Variants in SH3RF3 observed in about 807,000 individuals in gnomAD.
The protein encoded by SH3RF3 is E3 ubiquitin-protein ligase SH3RF3.
A neutral mutation model predicts 66.3 loss-of-function variants in SH3RF3; 29 were observed. That is an observed-to-expected ratio of 0.44 (90% CI 0.33 to 0.60). The LOEUF is 0.60. Among genes scored for constraint, SH3RF3 ranks in the 20% least tolerant of loss-of-function variants. The probability of loss-of-function intolerance (pLI) is 0.04; values close to 1 mark genes in which losing one functional copy is unlikely to be tolerated. For synonymous variants in SH3RF3, 583 were observed against 532.0 expected, an observed-to-expected ratio of 1.10 and a Z score of -1.32; for missense variants, 1,194 against 1,190.9, an observed-to-expected ratio of 1.00 and a Z score of -0.04.
chr2:109,334,880 G>C (rs1682373755), intron 1 of SH3RF3, among the ~76,000 whole-genome samples: 1 of 152,236 alleles, frequency 6.6e-6, no homozygotes, highest in Non-Finnish European at 1.5e-5. Flanking sequence ...GTGGAACCCA[G>C]TGTTTTTATT....
chr2:109,452,123 G>A (rs1214322103), intron 8 of SH3RF3, among the ~76,000 whole-genome samples: 1 of 152,180 alleles, frequency 6.6e-6, no homozygotes, highest in African/African-American at 2.4e-5. Flanking sequence ...TTGCAGCAGG[G>A]CCCAAGGCAT....
At chr2:109,187,387 G>A (rs1197832589) in intron 1 of SH3RF3, among the ~76,000 whole-genome samples, 1 of 150,052 alleles carries the variant, frequency 6.7e-6, no homozygotes, top group Non-Finnish European at 1.5e-5. Context: ...GTATTATTTA[G>A]AAAAAGCTAA....
intron 4 of SH3RF3, among the ~76,000 whole-genome samples, chr2:109,412,715 G>A (rs1452959871): frequency 6.6e-6 from 1 of 152,252 alleles, no homozygotes; most frequent in Non-Finnish European, 1.5e-5. Flanking sequence ...TCATACCACT[G>A]TGGAAATGTT....
chr2:109,419,528 T>C lies in SH3RF3; in HGVS notation c.1300-11T>C. ...GTCTCCTCACTCCTGTCCCCTCTTG[T>C]CTGTTTCCAGGATGTCTCCTCCTCG... On this transcript the variant is annotated splice_polypyrimidine_tract_variant and intron_variant, in intron 4 of 9. Transcript: ENST00000309415. 1 of 1,584,536 alleles carries C rather than the reference T, an allele frequency of 6.3e-7. No homozygotes were observed. Among genetic ancestry groups the C allele is most frequent in the Non-Finnish European group, 8.6e-7 (1 of 1,165,662 alleles).
intron 1 of SH3RF3, among the ~76,000 whole-genome samples, chr2:109,285,458 G>C (rs568300873): frequency 2.0e-5 from 3 of 152,202 alleles, no homozygotes; most frequent in Non-Finnish European, 4.4e-5. Context: ...TGTGCCGTGC[G>C]TTTTTGTTAG....
At chr2:109,488,686 A>C (rs1440381441) in intron 8 of SH3RF3, among the ~76,000 whole-genome samples, 1 of 152,220 alleles carries the variant, frequency 6.6e-6, no homozygotes. Context: ...TGTGCCGCCA[A>C]CAAGAGTTCT....
chr2:109,147,693 G>A (rs79774628), intron 1 of SH3RF3, among the ~76,000 whole-genome samples: 622 of 152,152 alleles, frequency 4.1e-3, no homozygotes, highest in Non-Finnish European at 6.7e-3. Flanking sequence ...TATAGTTTCC[G>A]GCTTCTGGGT....
At chr2:109,273,310 G>A (rs1680670866) in intron 1 of SH3RF3, among the ~76,000 whole-genome samples, 1 of 152,238 alleles carries the variant, frequency 6.6e-6, no homozygotes, top group East Asian at 1.9e-4. Flanking sequence ...TGGAGGCAGA[G>A]TCTTCCTGAG....
intron 1 of SH3RF3, among the ~76,000 whole-genome samples, chr2:109,153,365 T>A (rs1012686834): frequency 6.6e-6 from 1 of 152,160 alleles, no homozygotes; most frequent in African/African-American, 2.4e-5. Flanking sequence ...TTTAAAAAAA[T>A]TTGTATTTTT....
chr2:109,407,287 G>A (rs968652497), intron 4 of SH3RF3, among the ~76,000 whole-genome samples: 5 of 152,200 alleles, frequency 3.3e-5, no homozygotes, highest in African/African-American at 1.2e-4. Flanking sequence ...CAATGGAAGG[G>A]GAAGTGTTTG....
intron 1 of SH3RF3, among the ~76,000 whole-genome samples, chr2:109,289,210 G>A (rs1465259393): frequency 6.6e-6 from 1 of 152,098 alleles, no homozygotes; most frequent in Non-Finnish European, 1.5e-5. Flanking sequence ...GCTGTCATAT[G>A]ACTTGGACTG....
intron 1 of SH3RF3, among the ~76,000 whole-genome samples, chr2:109,199,592 T>TAC: frequency 0.061 from 8 of 132 alleles, no homozygotes; most frequent in East Asian, 0.25. Context: ...TGGAATGGAA[T>TAC]GGAATGGAAT....
intron 6 of SH3RF3, among the ~76,000 whole-genome samples, chr2:109,433,150 T>C (rs908373590): frequency 2.4e-4 from 36 of 152,202 alleles, no homozygotes; most frequent in African/African-American, 8.7e-4. Context: ...GGTGTGTGCG[T>C]GTGTGCATAA....
At chr2:109,272,790 GC>G (rs1237120046) in intron 1 of SH3RF3, among the ~76,000 whole-genome samples, 2 of 152,162 alleles carry the variant, frequency 1.3e-5, no homozygotes, top group Non-Finnish European at 2.9e-5. Context: ...CAGTTAAACA[GC>G]CCCCGGTACT....
At chr2:109,425,730 T>C (rs1161662139) in intron 5 of SH3RF3, among the ~76,000 whole-genome samples, 2 of 152,168 alleles carry the variant, frequency 1.3e-5, no homozygotes, top group Non-Finnish European at 2.9e-5. Context: ...ATATTACTGC[T>C]CATTGCCAGT....
At chr2:109,472,852 G>A (rs1678559716) in intron 8 of SH3RF3, among the ~76,000 whole-genome samples, 1 of 152,182 alleles carries the variant, frequency 6.6e-6, no homozygotes, top group Admixed American at 6.5e-5. Context: ...ACAGGGTCGT[G>A]ACACACTCAG....
At chr2:109,220,943 C>T (rs890247982) in intron 1 of SH3RF3, among the ~76,000 whole-genome samples, 4 of 152,110 alleles carry the variant, frequency 2.6e-5, no homozygotes, top group South Asian at 2.1e-4. Flanking sequence ...AATTGTGAAC[C>T]GGGACTGAAA....
At chr2:109,382,634 A>G (rs1046020859) in intron 3 of SH3RF3, among the ~76,000 whole-genome samples, 1 of 152,264 alleles carries the variant, frequency 6.6e-6, no homozygotes, top group Non-Finnish European at 1.5e-5. Context: ...GCCCTGTCAC[A>G]TCTTCAAATC....
chr2:109,167,765 A>T (rs2104932635), intron 1 of SH3RF3, among the ~76,000 whole-genome samples: 1 of 151,988 alleles, frequency 6.6e-6, no homozygotes, highest in Admixed American at 6.6e-5. Flanking sequence ...TAGAGGTGGG[A>T]TTGCGCCATG....
Sources: gnomAD v4.1 joint callset for allele counts (sites outside exome capture counted in the v4.1 genomes callset) on GRCh38, gnomAD v4.1.1 for gene constraint, MANE v1.5 for transcripts, NCBI Gene and HGNC (gene_info 2026-07-23, HGNC 2026-07-21) for gene names.